Variants in PGLYRP4 observed in about 807,000 individuals in gnomAD.
PGLYRP4 encodes PGRP-I-beta.
A neutral mutation model predicts 41.2 loss-of-function variants in PGLYRP4; 39 were observed. The ratio of observed to expected loss-of-function variants is 0.95; its 90% CI spans 0.73 to 1.24. The LOEUF (loss-of-function observed/expected upper bound fraction) is 1.24. PGLYRP4 is among the 50% of genes most tolerant of loss of function. The pLI is 0.00. For synonymous variants in PGLYRP4, 202 were observed against 186.8 expected (o/e 1.08, Z -0.66); for missense variants, 467 against 460.7 (o/e 1.01, Z -0.13).
chr1:153,340,835 C>T (rs1423459946), intron 6 of PGLYRP4, among the ~76,000 whole-genome samples: 1 of 152,144 alleles, frequency 6.6e-6, no homozygotes, highest in African/African-American at 2.4e-5. Flanking sequence ...TCAATGTAAG[C>T]GATCATTTAT....
intron 6 of PGLYRP4, among the ~76,000 whole-genome samples, chr1:153,341,258 G>T (rs1303725748): frequency 6.6e-6 from 1 of 152,036 alleles, no homozygotes; most frequent in Non-Finnish European, 1.5e-5. Flanking sequence ...TTTGCTTATT[G>T]TCTTTCTCTG....
At chr1:153,340,328 C>A in intron 7 of PGLYRP4, 53 bp downstream of exon 7, 7 of 1,517,004 alleles carry the variant, frequency 4.6e-6, no homozygotes, top group Non-Finnish European at 6.4e-6. Context: ...CTTTCAAAGG[C>A]TCAGTTTCTG....
chr1:153,341,911 C>T lies in PGLYRP4; in HGVS notation c.473-132G>A. ...AAGAAAAGGGAACAGGTTATGCCCCCAGTTGGAGAGGCTGAGAATTAAGGA... is the reference window on the plus strand; with the variant it reads ...AAGAAAAGGGAACAGGTTATGCCCCTAGTTGGAGAGGCTGAGAATTAAGGA... On this transcript the variant is annotated intron_variant, in intron 5 of 8. Transcript: ENST00000359650. 2 of 763,672 alleles carry T rather than the reference C, an allele frequency of 2.6e-6. 1 individual carries two copies. The allele number at this position is 763,672 out of a possible 1,614,324, so 47.3% of individuals were successfully genotyped here. A position where few individuals can be genotyped will look rare whatever the true frequency, so the allele number is the denominator to read the frequency against.
Position 153,335,661 on chromosome 1 carries a change from G to A in PGLYRP4, c.943+1520C>T, listed in dbSNP as rs145657592. Among the ~76,000 whole-genome samples the A allele has an allele frequency of 7.2e-3, 1,098 of 152,010 alleles. 16 individuals carry two copies. The highest frequency in any genetic ancestry group is 0.025 in the African/African-American group (1,040 of 41,424). ...AATTGCTTGAACCCGGGTGGCGGAG[G>A]TTGCAGTGAGCCGAGGTCACACCAC... is the stretch of plus-strand genomic sequence containing the variant. On this transcript the variant is annotated intron_variant, in intron 8 of 8. Coordinates refer to ENST00000359650, the MANE Select transcript of PGLYRP4 (RefSeq NM_020393.4).
rs1661086211 is a variant in PGLYRP4 at position 153,347,954 on chromosome 1, C to G, written c.-22G>C. ...GCATCCCCACGTGGTCCCAGGACAC[C>G]AATCTGGAGAGTGTGGATGGCAGCC... On this transcript the variant is annotated 5_prime_UTR_variant, in exon 2 of 9. Coordinates refer to ENST00000359650, the MANE Select transcript of PGLYRP4 (RefSeq NM_020393.4). 1 of 1,606,374 alleles carries G rather than the reference C, an allele frequency of 6.2e-7. No individual in the cohort carries two copies. The highest frequency in any genetic ancestry group is 1.7e-5 in the Admixed American group (1 of 59,872).
intron 8 of PGLYRP4, 144 bp downstream of exon 8, chr1:153,337,037 G>C: frequency 1.3e-6 from 1 of 743,140 alleles, no homozygotes; most frequent in East Asian, 2.5e-5. Context: ...ACACTCAGCT[G>C]AGTCAAATGT....
intron 2 of PGLYRP4, among the ~76,000 whole-genome samples, chr1:153,346,565 G>A (rs1169695677): frequency 2.0e-5 from 3 of 152,140 alleles, no homozygotes; most frequent in Admixed American, 6.5e-5. Context: ...ATGGGGAAGC[G>A]TGTGTGAAGA....
chr1:153,340,410 G>C lies in PGLYRP4; in HGVS notation c.795C>G (p.Asp265Glu), dbSNP rs1571135175. ...AACCAATGTCGCATGACTTGAGCCT[G>C]TCTATGTAGAAAGACTGGATGTCCC... ...LVRDIQSFYI[D>E]RLKSCDIGYN... Residue 265 changes from aspartate to glutamate, a missense_variant, in exon 7 of 9, where the codon GAC becomes GAG. Transcript: ENST00000359650. 1 of 1,614,194 alleles carries C rather than the reference G, an allele frequency of 6.2e-7. No individual in the cohort carries two copies.
At position 153,343,194 on chromosome 1, in the gene PGLYRP4, TC is replaced by T; in HGVS notation, c.367del (p.Asp123MetfsTer50). 6.2e-7 allele frequency: 1 copy of T among 1,612,260 alleles called. No individual in the cohort carries two copies. The highest frequency in any genetic ancestry group is 8.5e-7 in the Non-Finnish European group (1 of 1,178,402). ...AACACCTTCATACACCCTGCCATCA[TC>T]CCCAACCAGGAAGCTATGGAGCAAG... The part of the protein sequence containing the change: ...CDVAYNFLVG[D>X]DGRVYEGVGW... On this transcript the variant is annotated frameshift_variant, in exon 5 of 9. Transcript: ENST00000359650. LOFTEE classifies it high-confidence loss of function.
In PGLYRP4 at chr1:153,347,939, G is replaced by C. The variant is rs369696338; in HGVS notation, c.-7C>G. 7.4e-6 allele frequency: 12 copies of C among 1,612,346 alleles called. No individual in the cohort carries two copies. The Admixed American group carries it at 1.8e-4, about 25-fold the overall frequency. ...CAAGAAGCCACGGCAGCATCCCCAC[G>C]TGGTCCCAGGACACCAATCTGGAGA... On this transcript the variant is annotated 5_prime_UTR_variant, in exon 2 of 9. Transcript: ENST00000359650.
At chr1:153,342,588 G>C (rs1326765216) in intron 5 of PGLYRP4, among the ~76,000 whole-genome samples, 1 of 152,222 alleles carries the variant, frequency 6.6e-6, no homozygotes, top group African/African-American at 2.4e-5. Flanking sequence ...AGGGGCCTTG[G>C]AGCAACAGTC....
rs1660965635 is a variant in PGLYRP4 at position 153,345,390 on chromosome 1, A to C, written c.140-8T>G. ...AGACATCTGTGGGAAGGCCTTGGGG[A>C]CGTCACTCAGCGCACCTGCCCCATC... is the stretch of plus-strand genomic sequence containing the variant. On this transcript the variant is annotated splice_polypyrimidine_tract_variant and splice_region_variant and intron_variant, in intron 3 of 8. Coordinates refer to ENST00000359650, the MANE Select transcript of PGLYRP4 (RefSeq NM_020393.4). The C allele has an allele frequency of 1.2e-6, 2 of 1,612,990 alleles. No homozygotes were observed. Among genetic ancestry groups the C allele is most frequent in the African/African-American group, 2.7e-5 (2 of 75,004 alleles).
At chr1:153,336,344 T>C (rs1426771941) in intron 8 of PGLYRP4, among the ~76,000 whole-genome samples, 1 of 111,190 alleles carries the variant, frequency 9.0e-6, no homozygotes, top group Non-Finnish European at 1.6e-5. Flanking sequence ...TGTTCCAGCC[T>C]GGGTGACAGA....
chr1:153,337,261 AC>A lies in PGLYRP4; in HGVS notation c.862del (p.Val288TrpfsTer36), dbSNP rs746696417. On this transcript the variant is annotated frameshift_variant, in exon 8 of 9. Transcript: ENST00000359650. LOFTEE classifies it high-confidence loss of function. Reference protein sequence around the residue: ...VGQDGAIYEGVGWNVQGSSTP... With the variant: ...VGQDGAIYEGXGWNVQGSSTP... ...GGAGGAGCCTTGGACATTCCAGCCC[AC>A]CCCTTCATAAATGGCGCCATCCTGG... 19 of 1,612,754 alleles carry A rather than the reference AC, an allele frequency of 1.2e-5. No homozygotes were observed. The Admixed American group carries it at 1.7e-4, about 14-fold the overall frequency.
At chr1:153,344,123 A>C (rs1039191113) in intron 4 of PGLYRP4, among the ~76,000 whole-genome samples, 149 of 152,142 alleles carry the variant, frequency 9.8e-4, no homozygotes, top group African/African-American at 3.6e-3. Context: ...AAACTCTCCC[A>C]CCCTGAAACC....
intron 4 of PGLYRP4, among the ~76,000 whole-genome samples, chr1:153,343,471 G>A (rs1185282027): frequency 1.3e-5 from 2 of 152,170 alleles, no homozygotes; most frequent in African/African-American, 4.8e-5. Flanking sequence ...ATGCTCAGGA[G>A]AAGAGGTCCT....
chr1:153,341,919 G>C, intron 5 of PGLYRP4, 140 bp from the exon 6 acceptor site: 1 of 726,000 alleles, frequency 1.4e-6, no homozygotes, highest in Non-Finnish European at 2.2e-6. Flanking sequence ...CCCAGTTGGA[G>C]AGGCTGAGAA....
In PGLYRP4 at chr1:153,346,205, T is replaced by C; in HGVS notation, c.50-14A>G. 6 of 1,605,066 alleles carry C rather than the reference T, an allele frequency of 3.7e-6. No homozygotes were observed. Among genetic ancestry groups the C allele is most frequent in the Non-Finnish European group, 5.1e-6 (6 of 1,171,766 alleles). ...AGGAGGAATCACCTGCAAAGGAATA[T>C]CCCATTTTGCATCAGAGAGCACCAA... On this transcript the variant is annotated splice_polypyrimidine_tract_variant and intron_variant, in intron 2 of 8. Coordinates refer to ENST00000359650, the MANE Select transcript of PGLYRP4 (RefSeq NM_020393.4).
chr1:153,333,494 G>A (rs148646484), intron 8 of PGLYRP4, among the ~76,000 whole-genome samples: 90 of 152,222 alleles, frequency 5.9e-4, no homozygotes, highest in African/African-American at 2.1e-3. Flanking sequence ...TCTACCAGAT[G>A]TAAAAGGAAG....
Sources: allele counts gnomAD v4.1 joint callset (sites outside exome capture counted in the v4.1 genomes callset), GRCh38; gene constraint gnomAD v4.1.1; transcripts MANE v1.5; gene names NCBI Gene and HGNC (gene_info 2026-07-23, HGNC 2026-07-21).